Variants in TMEM130 observed in about 807,000 individuals in gnomAD.
TMEM130 encodes the protein transmembrane protein 130.
TMEM130 carries 37 observed loss-of-function variants against 42.9 expected under a neutral mutation model. The ratio of observed to expected loss-of-function variants is 0.86; its 90% CI spans 0.66 to 1.13. TMEM130 has a LOEUF of 1.13. Among genes scored for constraint, TMEM130 ranks in the 50% most tolerant of loss-of-function variants. The pLI is 0.00. For missense variants in TMEM130, 545 were observed against 562.6 expected (o/e 0.97, Z 0.32); for synonymous variants, 259 against 237.7 (o/e 1.09, Z -0.82).
At chr7:98,850,207 ACTCT>A (rs558366010) in intron 6 of TMEM130, among the ~76,000 whole-genome samples, 1 of 116,296 alleles carries the variant, frequency 8.6e-6, no homozygotes, top group Non-Finnish European at 1.8e-5. Context: ...GGCACACGCC[ACTCT>A]CTCTCTCTCT....
chr7:98,865,925 C>T (rs562947077), intron 1 of TMEM130: 75 of 173,324 alleles, frequency 4.3e-4, no homozygotes, highest in African/African-American at 1.6e-3. Flanking sequence ...GGCACAAGGT[C>T]CCCCCACAAG....
chr7:98,860,070 A>T (rs1252758437), intron 3 of TMEM130, 109 bp downstream of exon 3: 1 of 782,070 alleles, frequency 1.3e-6, no homozygotes, highest in Non-Finnish European at 1.7e-6. Flanking sequence ...CTGCATCTCA[A>T]AAAAAAAAAA....
chr7:98,851,343 C>T (rs1208200316), intron 6 of TMEM130, 78 bp downstream of exon 6: 27 of 1,428,640 alleles, frequency 1.9e-5, no homozygotes, highest in Non-Finnish European at 2.5e-5. Flanking sequence ...CTGGTAGGAG[C>T]GTATTGGTGG....
At chr7:98,855,670 G>T (rs931600982) in intron 4 of TMEM130, among the ~76,000 whole-genome samples, 1 of 152,208 alleles carries the variant, frequency 6.6e-6, no homozygotes, top group Admixed American at 6.5e-5. Context: ...GCCAGGGAGA[G>T]ATAGAGACCC....
At chr7:98,862,737 C>T (rs1002333324) in intron 2 of TMEM130, among the ~76,000 whole-genome samples, 1 of 152,060 alleles carries the variant, frequency 6.6e-6, no homozygotes, top group Non-Finnish European at 1.5e-5. Flanking sequence ...TGATCTCAGG[C>T]GATCCACCTG....
At chr7:98,854,060 C>A (rs1584236200) in intron 5 of TMEM130, among the ~76,000 whole-genome samples, 1 of 125,032 alleles carries the variant, frequency 8.0e-6, no homozygotes, top group African/African-American at 3.1e-5. Context: ...TTTTTTTGGA[C>A]AGAGTCTTGC....
intron 5 of TMEM130, among the ~76,000 whole-genome samples, chr7:98,854,730 C>T (rs1277211408): frequency 6.6e-6 from 1 of 152,146 alleles, no homozygotes. Context: ...GGGTGAAACT[C>T]TGTCTCTAAA....
chr7:98,851,909 C>T (rs1218889421), intron 5 of TMEM130, among the ~76,000 whole-genome samples: 3 of 152,020 alleles, frequency 2.0e-5, no homozygotes, highest in African/African-American at 7.2e-5. Flanking sequence ...CATGGTGTAC[C>T]ATAGAAGCCC....
Position 98,848,205 on chromosome 7 carries a change from G to C in TMEM130, c.1123C>G (p.Pro375Ala). 1 of 1,613,982 alleles carries C rather than the reference G, an allele frequency of 6.2e-7. No individual in the cohort carries two copies. The highest frequency in any genetic ancestry group is 2.2e-5 in the East Asian group (1 of 44,870). Residue 375 changes from proline to alanine, a missense_variant, in exon 8 of 8, where the codon CCG (proline) becomes GCG (alanine). Transcript: ENST00000339375. ...CACCTGACCCCAGAGGGTGGCTCCG[G>C]GTTCTTGTCAGACATGGGGGAAAAG... is the stretch of plus-strand genomic sequence containing the variant. Reference protein sequence around the residue: ...ATQQKDMVENPEPPSGVRCCC... With the variant: ...ATQQKDMVENAEPPSGVRCCC...
At chr7:98,868,086 A>G (rs1267626592) in intron 1 of TMEM130, among the ~76,000 whole-genome samples, 1 of 152,142 alleles carries the variant, frequency 6.6e-6, no homozygotes, top group African/African-American at 2.4e-5. Context: ...AAAATTAGCC[A>G]GGTGTGGTGG....
rs1337457161 is a variant in TMEM130, at chr7:98,869,511, T to C, written c.85+266A>G. ...ATGCGCCGGCCACCCCCGCGCGGTTTCCAGGGCAGGGCCAGCCTGGGGGGG... is the reference window on the plus strand; with the variant it reads ...ATGCGCCGGCCACCCCCGCGCGGTTCCCAGGGCAGGGCCAGCCTGGGGGGG... On this transcript the variant is annotated intron_variant, in intron 1 of 7. Coordinates refer to ENST00000339375, the MANE Select transcript of TMEM130 (RefSeq NM_152913.3). The surrounding 1 kb of genome is among the most constrained non-coding windows in gnomAD (Gnocchi z 4.7). Among the ~76,000 whole-genome samples, 1 of 152,192 alleles carries C rather than the reference T, an allele frequency of 6.6e-6. No homozygotes were observed. Among genetic ancestry groups the C allele is most frequent in the Non-Finnish European group, 1.5e-5 (1 of 68,016 alleles).
Position 98,851,596 on chromosome 7 carries a change from G to A in TMEM130, c.831C>T (p.Leu277=), listed in dbSNP as rs1554398267. ...CCTCCAGCGGGAGGCACTCAGGCTTGAGACGCCAGCACACAGTCAGAGGAG... is the reference window on the plus strand; with the variant it reads ...CCTCCAGCGGGAGGCACTCAGGCTTAAGACGCCAGCACACAGTCAGAGGAG... ...GSPPLTVCWR[L]KPECLPLEEG... The change falls in exon 6 of 8, where the codon CTC becomes CTT. Residue 277 remains leucine (L), a synonymous_variant. Transcript: ENST00000339375. 1 of 1,613,482 alleles carries A rather than the reference G, an allele frequency of 6.2e-7. No homozygotes were observed. Among genetic ancestry groups the A allele is most frequent in the East Asian group, 2.2e-5 (1 of 44,858 alleles).
rs370940289 is a variant in TMEM130, at chr7:98,853,434, C to G, written c.803+1806G>C. 1.1e-4 allele frequency among the ~76,000 whole-genome samples: 16 copies of G among 152,120 alleles called. No homozygotes were observed. In the East Asian group the frequency reaches 1.3e-3, roughly 13 times the overall value. On this transcript the variant is annotated intron_variant, in intron 5 of 7. Transcript: ENST00000339375. ...CTTGAGGTCAGGAGTTTGAAACCAGCCTGGCCGACATGATGAAACCCTGTC... is the reference window on the plus strand; with the variant it reads ...CTTGAGGTCAGGAGTTTGAAACCAGGCTGGCCGACATGATGAAACCCTGTC...
At chr7:98,859,719 TATAAATAA>T (rs56856307) in intron 3 of TMEM130, among the ~76,000 whole-genome samples, 7 of 149,444 alleles carry the variant, frequency 4.7e-5, no homozygotes, top group African/African-American at 1.2e-4. Context: ...TACTAAAAAA[TATAAATAA>T]ATAAATTAAT....
intron 5 of TMEM130, among the ~76,000 whole-genome samples, chr7:98,852,877 A>G (rs1272172657): frequency 1.3e-5 from 2 of 152,190 alleles, no homozygotes; most frequent in Non-Finnish European, 2.9e-5. Context: ...GATTGCAGAC[A>G]TGAGCTACCG....
intron 5 of TMEM130, among the ~76,000 whole-genome samples, chr7:98,851,964 C>T (rs1170009306): frequency 1.3e-5 from 2 of 151,952 alleles, no homozygotes; most frequent in Admixed American, 6.6e-5. Flanking sequence ...TTGCATTTTA[C>T]GAGACAGGGA....
At chr7:98,864,229 A>G (rs1249886503) in intron 1 of TMEM130, among the ~76,000 whole-genome samples, 1 of 151,918 alleles carries the variant, frequency 6.6e-6, no homozygotes, top group African/African-American at 2.4e-5. Flanking sequence ...GTTTTGAGAC[A>G]AGATCTCCCT....
At position 98,856,070 on chromosome 7, in the gene TMEM130, G is replaced by A. The variant is rs151048233; in HGVS notation, c.665C>T (p.Thr222Met). The A allele has an allele frequency of 1.3e-4, 213 of 1,613,812 alleles. No homozygotes were observed. In the African/African-American group the frequency reaches 2.2e-3, roughly 17 times the overall value. Residue 222 changes from threonine (T) to methionine (M), a missense_variant, in exon 4 of 8, where the codon ACG becomes ATG. Thr to Met is a moderately conservative substitution (Grantham distance 81, BLOSUM62 -1). Coordinates refer to ENST00000339375, the MANE Select transcript of TMEM130 (RefSeq NM_152913.3). ...AEWEEVEPDA[T>M]RAVKQKTGDF... ...CCCGGTCTTCTGCTTCACAGCCCTC[G>A]TGGCATCCGGCTCCACCTCTTCCCA...
At chr7:98,850,023 G>T (rs916408140) in intron 6 of TMEM130, among the ~76,000 whole-genome samples, 21 of 151,792 alleles carry the variant, frequency 1.4e-4, no homozygotes, top group African/African-American at 4.8e-4. Context: ...CAAGAAAGAA[G>T]GTTGGGCATC....
Sources: gnomAD v4.1 joint callset for allele counts (sites outside exome capture counted in the v4.1 genomes callset) on GRCh38, gnomAD v4.1.1 for gene constraint, Gnocchi (gnomAD v3.1) non-coding constraint, MANE v1.5 for transcripts, NCBI Gene and HGNC (gene_info 2026-07-23, HGNC 2026-07-21) for gene names.